COP1: variants seen among roughly 807,000 people sequenced by gnomAD.
COP1 encodes the protein COP1 E3 ubiquitin ligase, also known as E3 ubiquitin-protein ligase COP1.
A neutral mutation model predicts 101.3 loss-of-function variants in COP1; 24 were observed. The ratio of observed to expected loss-of-function variants is 0.24; its 90% CI spans 0.17 to 0.33. The LOEUF (loss-of-function observed/expected upper bound fraction) is 0.33. Ranked by LOEUF, COP1 falls within the 10% of genes least tolerant of loss-of-function variation. The pLI is 1.00. For missense variants in COP1, 663 were observed against 906.2 expected (o/e 0.73, Z 3.45); for synonymous variants, 347 against 341.9 (o/e 1.01, Z -0.17).
At chr1:176,014,275 A>G (rs776034459) in intron 15 of COP1, among the ~76,000 whole-genome samples, 20 of 152,230 alleles carry the variant, frequency 1.3e-4, no homozygotes, top group Non-Finnish European at 2.5e-4. Context: ...ACCAATTCCT[A>G]CACAATCATC....
chr1:176,015,129 G>A (rs1665397492), intron 15 of COP1, among the ~76,000 whole-genome samples: 1 of 152,134 alleles, frequency 6.6e-6, no homozygotes, highest in South Asian at 2.1e-4. Flanking sequence ...GGGGAAGAAT[G>A]TCTAAAGCAG....
intron 18 of COP1, among the ~76,000 whole-genome samples, chr1:175,972,461 ATTTTTT>A (rs35491036): frequency 7.7e-6 from 1 of 130,010 alleles, no homozygotes; most frequent in Non-Finnish European, 1.6e-5. Flanking sequence ...AAATACAAGA[ATTTTTT>A]TTTTTTTTTT....
intron 18 of COP1, chr1:175,968,262 C>A (rs1652473353): frequency 4.1e-6 from 1 of 245,064 alleles, no homozygotes; most frequent in Non-Finnish European, 8.4e-6. Flanking sequence ...TCGTAAGATA[C>A]CTCAAAAACC....
chr1:176,135,619 C>T (rs960469634), intron 7 of COP1, among the ~76,000 whole-genome samples: 2 of 152,020 alleles, frequency 1.3e-5, no homozygotes, highest in African/African-American at 4.8e-5. Context: ...ATGACTTAGA[C>T]TCTAATTTTT....
intron 2 of COP1, among the ~76,000 whole-genome samples, chr1:176,179,185 T>C (rs1697390950): frequency 6.7e-6 from 1 of 150,000 alleles, no homozygotes; most frequent in East Asian, 2.0e-4. Context: ...AGCTACTCAG[T>C]AGGCCGAGGC....
chr1:176,189,175 G>A lies in COP1; in HGVS notation c.408-4483C>T, dbSNP rs115748431. On this transcript the variant is annotated intron_variant, in intron 1 of 19. Transcript: ENST00000367669. ...CATGCAGAGGAATAAAGATAAAAAC[G>A]GAAACAGACTTCTCATCAGAAACTA... is the stretch of plus-strand genomic sequence containing the variant. Among the ~76,000 whole-genome samples the A allele has an allele frequency of 6.4e-3, 977 of 152,110 alleles. 14 individuals are homozygous for A. The highest frequency in any genetic ancestry group is 0.022 in the African/African-American group (894 of 41,516).
At chr1:176,077,808 A>G (rs1678322344) in intron 11 of COP1, among the ~76,000 whole-genome samples, 1 of 152,256 alleles carries the variant, frequency 6.6e-6, no homozygotes. Context: ...GCAAAGTTTC[A>G]GAATACAAAA....
At chr1:176,095,802 A>T (rs896681390) in intron 9 of COP1, among the ~76,000 whole-genome samples, 6 of 152,254 alleles carry the variant, frequency 3.9e-5, no homozygotes, top group African/African-American at 1.4e-4. Flanking sequence ...AGGCAACAGC[A>T]CCAAATCCGA....
intron 14 of COP1, among the ~76,000 whole-genome samples, chr1:176,037,342 G>A (rs985908705): frequency 6.6e-6 from 1 of 151,562 alleles, no homozygotes; most frequent in Non-Finnish European, 1.5e-5. Context: ...GGGAGGTGGA[G>A]CTTGCAGTGA....
chr1:175,958,387 A>G (rs1650932362), intron 18 of COP1, among the ~76,000 whole-genome samples: 1 of 152,026 alleles, frequency 6.6e-6, no homozygotes, highest in Non-Finnish European at 1.5e-5. Flanking sequence ...GTATAATATC[A>G]AAGCCATTTC....
chr1:176,176,344 T>C (rs1431465860), intron 2 of COP1, among the ~76,000 whole-genome samples: 1 of 152,126 alleles, frequency 6.6e-6, no homozygotes, highest in Non-Finnish European at 1.5e-5. Context: ...GCAAACAGAC[T>C]ATTCATATTA....
chr1:176,179,401 T>A (rs1450056167), intron 2 of COP1, among the ~76,000 whole-genome samples: 1 of 151,866 alleles, frequency 6.6e-6, no homozygotes, highest in Non-Finnish European at 1.5e-5. Flanking sequence ...TGATAGAAAA[T>A]GTGCATATGA....
At chr1:176,112,573 C>G (rs61821008) in intron 9 of COP1, among the ~76,000 whole-genome samples, 1 of 152,150 alleles carries the variant, frequency 6.6e-6, no homozygotes, top group Non-Finnish European at 1.5e-5. Context: ...AACACTGCAA[C>G]TCTTCTCTTC....
At chr1:176,142,608 A>G (rs1274538495) in intron 6 of COP1, among the ~76,000 whole-genome samples, 3 of 152,238 alleles carry the variant, frequency 2.0e-5, no homozygotes, top group East Asian at 3.9e-4. Context: ...CTTTTCAAGC[A>G]CAAGTATTTC....
intron 18 of COP1, among the ~76,000 whole-genome samples, chr1:175,957,715 C>A (rs1650851038): frequency 6.6e-6 from 1 of 152,118 alleles, no homozygotes; most frequent in Admixed American, 6.5e-5. Flanking sequence ...TATATAGTCA[C>A]ATAAACACTT....
chr1:176,181,299 G>A (rs980660212), intron 2 of COP1, among the ~76,000 whole-genome samples: 5 of 152,074 alleles, frequency 3.3e-5, no homozygotes, highest in African/African-American at 1.2e-4. Context: ...CTTGAATCCA[G>A]CTTACCAGCC....
At chr1:176,092,201 T>C (rs923135474) in intron 9 of COP1, among the ~76,000 whole-genome samples, 4 of 152,068 alleles carry the variant, frequency 2.6e-5, no homozygotes, top group East Asian at 1.9e-4. Flanking sequence ...AATATAAAAT[T>C]TGATATAATG....
chr1:176,091,749 A>C (rs1304904454), intron 9 of COP1, among the ~76,000 whole-genome samples: 1 of 152,166 alleles, frequency 6.6e-6, no homozygotes, highest in East Asian at 1.9e-4. Context: ...GTAAGAAAAA[A>C]AATCAAAAAC....
intron 11 of COP1, among the ~76,000 whole-genome samples, chr1:176,049,228 G>T (rs554428479): frequency 6.7e-6 from 1 of 148,830 alleles, no homozygotes; most frequent in Non-Finnish European, 1.5e-5. Flanking sequence ...ACCTAAATAT[G>T]TCTATTATTT....
Sources: allele counts gnomAD v4.1 joint callset (sites outside exome capture counted in the v4.1 genomes callset), GRCh38; gene constraint gnomAD v4.1.1; transcripts MANE v1.5; gene names NCBI Gene and HGNC (gene_info 2026-07-23, HGNC 2026-07-21).